Variants in SAP130 observed in about 807,000 individuals in gnomAD.
SAP130 encodes the protein histone deacetylase complex subunit SAP130.
A neutral mutation model predicts 103.2 loss-of-function variants in SAP130; 16 were observed. That is an observed-to-expected ratio of 0.16 (90% CI 0.10 to 0.24). The LOEUF (loss-of-function observed/expected upper bound fraction) is 0.24, where lower values mean the gene tolerates loss of function less well. SAP130 is among the 10% of genes least tolerant of loss of function. SAP130 has a pLI of 1.00. For synonymous variants in SAP130, 477 were observed against 497.0 expected (o/e 0.96, Z 0.53); for missense variants, 990 against 1,359.7 (o/e 0.73, Z 4.28).
chr2:127,993,933 T>C (rs1369998628), intron 11 of SAP130, among the ~76,000 whole-genome samples: 1 of 152,132 alleles, frequency 6.6e-6, no homozygotes, highest in Non-Finnish European at 1.5e-5. Context: ...AGTTTAGTTT[T>C]TGAGCTTAAT....
intron 16 of SAP130, 57 bp from the exon 17 acceptor site, chr2:127,950,465 T>C: frequency 6.3e-7 from 1 of 1,588,392 alleles, no homozygotes. Context: ...ACAGAAAGTT[T>C]CACTTCCTTC....
intron 4 of SAP130, among the ~76,000 whole-genome samples, chr2:128,015,144 C>T (rs562595445): frequency 6.6e-6 from 1 of 152,294 alleles, no homozygotes; most frequent in Admixed American, 6.5e-5. Context: ...TGCAGGCCCA[C>T]ATAATTACAG....
intron 15 of SAP130, among the ~76,000 whole-genome samples, chr2:127,956,732 G>A (rs1317154848): frequency 6.6e-6 from 1 of 151,518 alleles, no homozygotes; most frequent in Non-Finnish European, 1.5e-5. Flanking sequence ...AAGAAAGTTG[G>A]GTGCAGTCTT....
In SAP130 at chr2:127,996,143, T is replaced by C. The variant is rs947791624; in HGVS notation, c.1355+207A>G. Among the ~76,000 whole-genome samples, 1 of 151,852 alleles carries C rather than the reference T, an allele frequency of 6.6e-6. No individual in the cohort carries two copies. Among genetic ancestry groups the C allele is most frequent in the East Asian group, 1.9e-4 (1 of 5,198 alleles). On this transcript the variant is annotated intron_variant, in intron 11 of 20. Coordinates refer to ENST00000643581, the MANE Select transcript of SAP130 (RefSeq NM_001330301.2). The surrounding 1 kb of genome is among the most constrained non-coding windows in gnomAD (Gnocchi z 4.3). Reference sequence around the variant, plus strand: ...AAACACACAAAACCCAAAAAATGGATACTAGGAAAACATCCATCAAAAGGA... The same window carrying C: ...AAACACACAAAACCCAAAAAATGGACACTAGGAAAACATCCATCAAAAGGA...
intron 2 of SAP130, among the ~76,000 whole-genome samples, chr2:128,023,214 G>C (rs1025739061): frequency 6.6e-6 from 1 of 151,764 alleles, no homozygotes; most frequent in African/African-American, 2.4e-5. Flanking sequence ...AGCTGGTCTC[G>C]AACTCCTGGC....
At chr2:128,013,869 C>T (rs1399253737) in intron 5 of SAP130, among the ~76,000 whole-genome samples, 1 of 152,176 alleles carries the variant, frequency 6.6e-6, no homozygotes, top group Non-Finnish European at 1.5e-5. Flanking sequence ...AATCTGAAAC[C>T]AGCCTGGGTA....
chr2:127,982,325 C>T (rs1682005590), intron 14 of SAP130, among the ~76,000 whole-genome samples: 1 of 152,066 alleles, frequency 6.6e-6, no homozygotes, highest in Admixed American at 6.6e-5. Flanking sequence ...GGGAGAAGAA[C>T]TAGAGCATCA....
Position 127,986,421 on chromosome 2 carries a change from T to C in SAP130, c.1958+364A>G, listed in dbSNP as rs1482816530. Among the ~76,000 whole-genome samples, 1 of 152,230 alleles carries C rather than the reference T, an allele frequency of 6.6e-6. No homozygotes were observed. Among genetic ancestry groups the C allele is most frequent in the Non-Finnish European group, 1.5e-5 (1 of 68,042 alleles). The stretch of plus-strand genomic sequence containing the variant: ...ACTTTTCCCGTTTCAACAGCAACGA[T>C]TCATGCTGAATGAAGTTTATAGTAT... On this transcript the variant is annotated intron_variant, in intron 14 of 20. Coordinates refer to ENST00000643581, the MANE Select transcript of SAP130 (RefSeq NM_001330301.2). The surrounding 1 kb of genome is among the most constrained non-coding windows in gnomAD (Gnocchi z 4.7).
At chr2:127,954,875 GGTT>G in intron 16 of SAP130, 108 bp downstream of exon 16, 1 of 779,898 alleles carries the variant, frequency 1.3e-6, no homozygotes, top group South Asian at 2.0e-5. Flanking sequence ...ATCTAAAATG[GGTT>G]ATCAGGGAGT....
At chr2:127,978,130 A>C in intron 14 of SAP130, 41 bp from the exon 15 acceptor site, 1 of 1,430,710 alleles carries the variant, frequency 7.0e-7, no homozygotes, top group Non-Finnish European at 9.6e-7. Context: ...CAGCAGTCCA[A>C]GGGCATTCAA....
rs1047421840 is a variant in SAP130, at chr2:127,989,891, A to G, written c.1478-25T>C. ...ACTAAAAATGATGCGAAAGGTAACT[A>G]TAAGAAGGTTAGCTTCATTTCACAC... is the stretch of plus-strand genomic sequence containing the variant. On this transcript the variant is annotated intron_variant, in intron 12 of 20. Coordinates refer to ENST00000643581, the MANE Select transcript of SAP130 (RefSeq NM_001330301.2). The surrounding 1 kb of genome is among the most constrained non-coding windows in gnomAD (Gnocchi z 4.6). The G allele has an allele frequency of 1.9e-6, 3 of 1,600,668 alleles. No homozygotes were observed. The highest frequency in any genetic ancestry group is 1.3e-5 in the African/African-American group (1 of 74,740).
At chr2:127,945,401 T>C (rs1438122892) in intron 19 of SAP130, 55 bp downstream of exon 19, 3 of 1,032,572 alleles carry the variant, frequency 2.9e-6, no homozygotes, top group Non-Finnish European at 4.6e-6. Context: ...CTCAGCTATC[T>C]GCAGTGTCTT....
intron 15 of SAP130, among the ~76,000 whole-genome samples, chr2:127,976,744 T>C (rs1681486533): frequency 6.6e-6 from 1 of 152,184 alleles, no homozygotes; most frequent in Non-Finnish European, 1.5e-5. Flanking sequence ...ACTCCGTCTC[T>C]ACTAAAAATA....
intron 10 of SAP130, 32 bp downstream of exon 10, chr2:127,999,709 A>G: frequency 7.5e-7 from 1 of 1,327,310 alleles, no homozygotes. Flanking sequence ...CACTCCTGGT[A>G]AGCTTCTGTC....
intron 2 of SAP130, among the ~76,000 whole-genome samples, chr2:128,019,898 GGAAAAAAATC>G (rs1329029064): frequency 1.3e-5 from 2 of 151,732 alleles, no homozygotes; most frequent in Non-Finnish European, 2.9e-5. Context: ...AAAATTAAGT[GGAAAAAAATC>G]AGAGAACAAT....
In SAP130 at chr2:127,978,060, G is replaced by C. The variant is rs755464563; in HGVS notation, c.1988C>G (p.Pro663Arg). ...AGGACTAGCAACATCAGGAGGCTGA[G>C]GAGGAATGAGGGTTTTCCGAACTGC... Reference protein sequence around the residue: ...GMAVRKTLIPPQPPDVASPRV... With the variant: ...GMAVRKTLIPRQPPDVASPRV... Residue 663 changes from proline (P) to arginine (R), a missense_variant, in exon 15 of 21, where the codon CCT (proline) becomes CGT (arginine). Pro to Arg is a moderately radical substitution (Grantham distance 103). Transcript: ENST00000643581. The C allele has an allele frequency of 1.3e-6, 2 of 1,551,776 alleles. No individual in the cohort carries two copies. Among genetic ancestry groups the C allele is most frequent in the South Asian group, 2.4e-5 (2 of 84,056 alleles).
rs757230460 is a variant in SAP130 at position 127,989,752 on chromosome 2, T to C, written c.1592A>G (p.His531Arg). 1.9e-6 allele frequency: 3 copies of C among 1,614,062 alleles called. No homozygotes were observed. The highest frequency in any genetic ancestry group is 2.5e-6 in the Non-Finnish European group (3 of 1,180,044). Residue 531 changes from histidine (H) to arginine (R), a missense_variant, in exon 13 of 21, where the codon CAT (histidine) becomes CGT (arginine). His to Arg is a conservative substitution (Grantham distance 29). Around this residue, in one of 6 missense-constraint regions of SAP130, gnomAD observed 336 missense variants for 520.1 expected, o/e 0.65. Transcript: ENST00000643581. This position sits in a 1 kb window ranked among gnomAD's most constrained non-coding sequence, Gnocchi z 4.6. The part of the protein sequence containing the change: ...LMTVDASHAR[H>R]IQGIQPAPIS... ...GGGTGCTGGCTGGATCCCTTGAATA[T>C]GTCGAGCATGCGATGCATCCACTGT...
At chr2:127,952,905 T>C (rs1294745075) in intron 16 of SAP130, among the ~76,000 whole-genome samples, 13 of 152,202 alleles carry the variant, frequency 8.5e-5, no homozygotes, top group Non-Finnish European at 2.9e-5. Context: ...TCTGTCTTTA[T>C]CAACATTCAT....
chr2:127,988,620 T>G (rs929227829), intron 13 of SAP130, among the ~76,000 whole-genome samples: 4 of 151,504 alleles, frequency 2.6e-5, no homozygotes, highest in Non-Finnish European at 5.9e-5. Flanking sequence ...GAGGCCAAAG[T>G]GAGTAGACTA....
Sources: gnomAD v4.1 joint callset for allele counts (sites outside exome capture counted in the v4.1 genomes callset) on GRCh38, gnomAD v4.1.1 for gene constraint, gnomAD v4.1.1 regional missense constraint, Gnocchi (gnomAD v3.1) non-coding constraint, MANE v1.5 for transcripts, NCBI Gene and HGNC (gene_info 2026-07-23, HGNC 2026-07-21) for gene names.